Variants in SMG6 observed in about 807,000 individuals in gnomAD.
SMG6 encodes SMG6 nonsense mediated mRNA decay factor, also known as telomerase-binding protein EST1A.
A neutral mutation model predicts 142.2 loss-of-function variants in SMG6; 66 were observed. That is an observed-to-expected ratio of 0.46 (90% CI 0.38 to 0.57). The LOEUF (loss-of-function observed/expected upper bound fraction) is 0.57, where lower values mean the gene tolerates loss of function less well. SMG6 is among the 20% of genes least tolerant of loss of function. The pLI is 0.00. For synonymous variants in SMG6, 779 were observed against 702.4 expected (o/e 1.11, Z -1.72); for missense variants, 1,793 against 1,832.0 (o/e 0.98, Z 0.39).
intron 7 of SMG6, 134 bp downstream of exon 7, chr17:2,283,491 G>A: frequency 1.4e-6 from 1 of 712,508 alleles, no homozygotes. Context: ...AGGACACACA[G>A]ACACTGAGCA....
intron 13 of SMG6, among the ~76,000 whole-genome samples, chr17:2,111,762 T>G (rs969571511): frequency 1.3e-5 from 2 of 152,136 alleles, no homozygotes; most frequent in African/African-American, 2.4e-5. Context: ...GAGTTCCTTC[T>G]CTGATCGAAG....
intron 8 of SMG6, among the ~76,000 whole-genome samples, chr17:2,279,005 A>C (rs912849270): frequency 6.6e-6 from 1 of 152,174 alleles, no homozygotes; most frequent in African/African-American, 2.4e-5. Flanking sequence ...AACACACTAG[A>C]TATGACTCTA....
At chr17:2,105,083 ATTT>A (rs549898049) in intron 13 of SMG6, among the ~76,000 whole-genome samples, 21 of 103,150 alleles carry the variant, frequency 2.0e-4, no homozygotes, top group African/African-American at 8.9e-4. Flanking sequence ...CACCCAGCTA[ATTT>A]TTTTTTTTTT....
intron 13 of SMG6, among the ~76,000 whole-genome samples, chr17:2,160,314 G>A (rs2071136430): frequency 6.6e-6 from 1 of 152,054 alleles, no homozygotes; most frequent in Non-Finnish European, 1.5e-5. Flanking sequence ...CCGCCTCCTG[G>A]GTTCAAGTGA....
At chr17:2,243,297 G>A (rs1426090420) in intron 9 of SMG6, among the ~76,000 whole-genome samples, 3 of 152,214 alleles carry the variant, frequency 2.0e-5, no homozygotes, top group Non-Finnish European at 4.4e-5. Flanking sequence ...GTGGAGCAGA[G>A]TTTCTTCCAG....
chr17:2,162,278 C>T (rs545432745), intron 13 of SMG6, among the ~76,000 whole-genome samples: 17 of 151,844 alleles, frequency 1.1e-4, no homozygotes, highest in African/African-American at 3.4e-4. Context: ...TTTGGGAGGC[C>T]GAGGCGGCCA....
chr17:2,169,677 T>G (rs2071445592), intron 13 of SMG6, among the ~76,000 whole-genome samples: 1 of 152,092 alleles, frequency 6.6e-6, no homozygotes, highest in Admixed American at 6.5e-5. Context: ...TGAAGGACAG[T>G]AGGAGGACCT....
At chr17:2,065,369 C>G (rs1207457441) in intron 17 of SMG6, 99 bp downstream of exon 17, 4 of 1,271,584 alleles carry the variant, frequency 3.1e-6, no homozygotes, top group Non-Finnish European at 4.4e-6. Context: ...GGCTGGCCCT[C>G]AGCTGCCCAG....
intron 10 of SMG6, among the ~76,000 whole-genome samples, chr17:2,222,335 T>G (rs76302727): frequency 6.6e-6 from 1 of 151,820 alleles, no homozygotes; most frequent in African/African-American, 2.4e-5. Context: ...AGAAGTAACA[T>G]TAAGCAAAGA....
chr17:2,146,193 G>A (rs2070663243), intron 13 of SMG6, among the ~76,000 whole-genome samples: 1 of 152,152 alleles, frequency 6.6e-6, no homozygotes, highest in Admixed American at 6.6e-5. Context: ...CATGAACTCT[G>A]GTGTCTGGCA....
At chr17:2,170,848 T>G (rs1236071733) in intron 13 of SMG6, among the ~76,000 whole-genome samples, 1 of 152,196 alleles carries the variant, frequency 6.6e-6, no homozygotes, top group Non-Finnish European at 1.5e-5. Flanking sequence ...GTAAAAAAAT[T>G]GGGAACATTC....
intron 10 of SMG6, among the ~76,000 whole-genome samples, chr17:2,225,323 AAAAAAAAG>A (rs1449897523): frequency 2.1e-5 from 3 of 144,218 alleles, no homozygotes; most frequent in South Asian, 2.1e-4. Context: ...CTAAAAATAC[AAAAAAAAG>A]AAAAAAAGAA....
chr17:2,157,653 G>A (rs543617137), intron 13 of SMG6, among the ~76,000 whole-genome samples: 1 of 152,308 alleles, frequency 6.6e-6, no homozygotes, highest in East Asian at 1.9e-4. Flanking sequence ...GGATCTTACT[G>A]TTTGGCTCTC....
chr17:2,236,730 C>G, intron 9 of SMG6, 93 bp from the exon 10 acceptor site: 2 of 1,370,678 alleles, frequency 1.5e-6, no homozygotes, highest in Admixed American at 5.2e-5. Context: ...CACACACACA[C>G]ACACACACAC....
chr17:2,096,716 C>T (rs1046474079), intron 13 of SMG6, among the ~76,000 whole-genome samples: 26 of 152,182 alleles, frequency 1.7e-4, no homozygotes, highest in African/African-American at 5.3e-4. Flanking sequence ...TCTTTCGTAA[C>T]GCCCTACTAT....
intron 10 of SMG6, among the ~76,000 whole-genome samples, chr17:2,219,499 A>C (rs1365985232): frequency 6.6e-6 from 1 of 151,734 alleles, no homozygotes; most frequent in Admixed American, 6.6e-5. Context: ...TTCAAAAAGT[A>C]ACCTAGGTCG....
intron 13 of SMG6, chr17:2,122,446 G>A (rs2151522006): frequency 6.6e-6 from 1 of 152,342 alleles, no homozygotes; most frequent in Middle Eastern, 3.4e-3. Context: ...AAAACACAGT[G>A]TCAGAGGGCT....
chr17:2,255,221 G>T (rs1186724946), intron 8 of SMG6, among the ~76,000 whole-genome samples: 2 of 151,110 alleles, frequency 1.3e-5, no homozygotes, highest in Non-Finnish European at 3.0e-5. Context: ...TGGCTAACAC[G>T]GTGAAACCCC....
At chr17:2,301,658 C>G (rs1394930664) in intron 1 of SMG6, among the ~76,000 whole-genome samples, 1 of 151,806 alleles carries the variant, frequency 6.6e-6, no homozygotes, top group East Asian at 1.9e-4. Context: ...CTGGCTAACA[C>G]GGTGAAACCC....
Sources: allele counts gnomAD v4.1 joint callset (sites outside exome capture counted in the v4.1 genomes callset), GRCh38; gene constraint gnomAD v4.1.1; transcripts MANE v1.5; gene names NCBI Gene and HGNC (gene_info 2026-07-23, HGNC 2026-07-21).